Variants in PPARGC1B observed in about 807,000 individuals in gnomAD.
PPARGC1B encodes PPARG coactivator 1 beta.
In PPARGC1B, 34 loss-of-function variants were observed where a neutral mutation model predicts 101.6. The ratio of observed to expected loss-of-function variants is 0.33; its 90% confidence interval spans 0.25 to 0.45. The LOEUF is 0.45. PPARGC1B is among the 20% of genes least tolerant of loss of function. The probability of loss-of-function intolerance (pLI) is 1.00; values close to 1 mark genes in which losing one functional copy is unlikely to be tolerated. For synonymous variants in PPARGC1B, 548 were observed against 539.3 expected (o/e 1.02, Z -0.22); for missense variants, 1,234 against 1,317.6 (o/e 0.94, Z 0.98).
chr5:149,819,452 T>A (rs1204464042), intron 1 of PPARGC1B, among the ~76,000 whole-genome samples: 1 of 152,076 alleles, frequency 6.6e-6, no homozygotes, highest in Non-Finnish European at 1.5e-5. Flanking sequence ...AACAGCACTG[T>A]AGTATTTCAT....
Position 149,730,322 on chromosome 5 carries a change from C to A in PPARGC1B, c.-21C>A, listed in dbSNP as rs1754402373. The A allele has an allele frequency of 2.0e-6, 3 of 1,535,938 alleles. No individual in the cohort carries two copies. Among genetic ancestry groups the A allele is most frequent in the Admixed American group, 2.0e-5 (1 of 49,920 alleles). On this transcript the variant is annotated 5_prime_UTR_variant, in exon 1 of 12. Transcript: ENST00000309241. The surrounding 1 kb of genome is among the most constrained non-coding windows in gnomAD (Gnocchi z 4.0). Reference sequence around the variant, plus strand: ...CCGGCTCGGCGTTGACTCCGCCGCACGCTGCAGCCGCGGCTGGAAGATGGC... The same window carrying A: ...CCGGCTCGGCGTTGACTCCGCCGCAAGCTGCAGCCGCGGCTGGAAGATGGC...
chr5:149,770,680 A>G (rs1009874010), intron 1 of PPARGC1B, among the ~76,000 whole-genome samples: 1 of 152,106 alleles, frequency 6.6e-6, no homozygotes, highest in African/African-American at 2.4e-5. Flanking sequence ...CAAAAAAAAA[A>G]AAATCTGCTG....
intron 1 of PPARGC1B, among the ~76,000 whole-genome samples, chr5:149,774,145 T>C (rs909453687): frequency 6.6e-6 from 1 of 152,156 alleles, no homozygotes; most frequent in African/African-American, 2.4e-5. Flanking sequence ...CATGGTGACA[T>C]GGGCATCAGA....
At position 149,841,354 on chromosome 5, in the gene PPARGC1B, T is replaced by A. The variant is rs57626577; in HGVS notation, c.2695-902T>A. On this transcript the variant is annotated intron_variant, in intron 9 of 11. Transcript: ENST00000309241. ...TGCAAGGAGAGTGGGAGGAGGGGAT[T>A]TCTCTGTTGAGCTGAGCTTGGACAT... 6.6e-3 allele frequency among the ~76,000 whole-genome samples: 1,012 copies of A among 152,192 alleles called. 14 individuals are homozygous for A. Among genetic ancestry groups the A allele is most frequent in the African/African-American group, 0.023 (957 of 41,526 alleles).
rs1438849261 is a variant in PPARGC1B at position 149,836,962 on chromosome 5, C to T, written c.2507C>T (p.Pro836Leu). 1 of 1,614,068 alleles carries T rather than the reference C, an allele frequency of 6.2e-7. No individual in the cohort carries two copies. Among genetic ancestry groups the T allele is most frequent in the Non-Finnish European group, 8.5e-7 (1 of 1,180,028 alleles). Reference protein sequence around the residue: ...GVSPTCSDHCPYQSPPSKANR... With the variant: ...GVSPTCSDHCLYQSPPSKANR... ...AGCCCCACTTGCTCTGACCACTGCC[C>T]CTACCAGAGCCCACCAAGCAAGGCC... Residue 836 changes from proline to leucine, a missense_variant, in exon 8 of 12, where the codon CCC (proline) becomes CTC (leucine). Around this residue, in one of 3 missense-constraint regions of PPARGC1B, gnomAD observed 497 missense variants for 529.5 expected, o/e 0.94. Transcript: ENST00000309241.
intron 1 of PPARGC1B, among the ~76,000 whole-genome samples, chr5:149,794,524 GCACACACA>G (rs35484083): frequency 0.12 from 17,270 of 143,648 alleles, 1,288 homozygotes; most frequent in Admixed American, 0.24. Flanking sequence ...ATGTGAGCGT[GCACACACA>G]CACACACACA....
rs531020875 is a variant in PPARGC1B at position 149,827,345 on chromosome 5, C to T, written c.465+460C>T. 2.6e-5 allele frequency among the ~76,000 whole-genome samples: 4 copies of T among 152,278 alleles called. No homozygotes were observed. In the East Asian group the frequency reaches 7.7e-4, roughly 29 times the overall value. On this transcript the variant is annotated intron_variant, in intron 3 of 11. Coordinates refer to ENST00000309241, the MANE Select transcript of PPARGC1B (RefSeq NM_133263.4). ...CTCTTCTACCTTTTAAAAGATTTTA[C>T]TACAAAAGGGAGTCTACATTAGGGC...
intron 1 of PPARGC1B, among the ~76,000 whole-genome samples, chr5:149,739,203 G>A (rs986048739): frequency 1.3e-5 from 2 of 152,172 alleles, no homozygotes; most frequent in South Asian, 2.1e-4. Flanking sequence ...ATCACCCAGC[G>A]TCCACTGTTA....
intron 1 of PPARGC1B, among the ~76,000 whole-genome samples, chr5:149,809,666 C>A (rs933531720): frequency 8.0e-6 from 1 of 125,356 alleles, no homozygotes; most frequent in Non-Finnish European, 1.6e-5. Flanking sequence ...CCAGCTCGGG[C>A]GACAGAGTGA....
chr5:149,735,419 C>T (rs181417625), intron 1 of PPARGC1B, among the ~76,000 whole-genome samples: 1 of 152,310 alleles, frequency 6.6e-6, no homozygotes, highest in East Asian at 1.9e-4. Flanking sequence ...AAGACTGGCT[C>T]GAGTGAGAAG....
intron 1 of PPARGC1B, among the ~76,000 whole-genome samples, chr5:149,807,415 C>T (rs1182524417): frequency 6.6e-6 from 1 of 152,036 alleles, no homozygotes; most frequent in African/African-American, 2.4e-5. Context: ...CAGTGGTCGC[C>T]CCTTCAGCCG....
chr5:149,789,599 A>T (rs1213790638), intron 1 of PPARGC1B, among the ~76,000 whole-genome samples: 1 of 152,218 alleles, frequency 6.6e-6, no homozygotes, highest in African/African-American at 2.4e-5. Flanking sequence ...CCTCAAAACA[A>T]TTCTATGAAG....
At chr5:149,786,477 G>A (rs1199223197) in intron 1 of PPARGC1B, among the ~76,000 whole-genome samples, 1 of 151,966 alleles carries the variant, frequency 6.6e-6, no homozygotes, top group Admixed American at 6.6e-5. Flanking sequence ...GCTCAAGTGA[G>A]CCTCCTGTCT....
chr5:149,805,564 C>T (rs914249080), intron 1 of PPARGC1B, among the ~76,000 whole-genome samples: 22 of 152,194 alleles, frequency 1.4e-4, no homozygotes, highest in Admixed American at 3.3e-4. Flanking sequence ...CTCTGCCTCC[C>T]GAATAGCTGG....
intron 1 of PPARGC1B, among the ~76,000 whole-genome samples, chr5:149,768,332 T>A (rs980333704): frequency 6.6e-6 from 1 of 152,120 alleles, no homozygotes; most frequent in Non-Finnish European, 1.5e-5. Flanking sequence ...TGGAGTATAG[T>A]GGTGTGATCT....
intron 3 of PPARGC1B, 141 bp from the exon 4 acceptor site, chr5:149,830,626 T>C: frequency 1.5e-6 from 1 of 685,560 alleles, no homozygotes; most frequent in East Asian, 2.5e-5. Context: ...GGGATCATCA[T>C]CCCAGGTCAT....
In PPARGC1B at chr5:149,849,243, T is replaced by A. The variant is rs1200169844; in HGVS notation, c.*1685T>A. The A allele has an allele frequency of 2.6e-5, 4 of 152,208 alleles. No homozygotes were observed. Among genetic ancestry groups the A allele is most frequent in the African/African-American group, 9.7e-5 (4 of 41,448 alleles). 9.4% of individuals were successfully genotyped at this position (152,208 alleles called of 1,614,324 possible). A position where few individuals can be genotyped will look rare whatever the true frequency, so the allele number is the denominator to read the frequency against. On this transcript the variant is annotated 3_prime_UTR_variant, in exon 12 of 12. Coordinates refer to ENST00000309241, the MANE Select transcript of PPARGC1B (RefSeq NM_133263.4). ...TTATCAAATACCTCAGTAGGTAAAATGAGCCCATGATCTTCCACTGAGTGG... is the reference window on the plus strand; with the variant it reads ...TTATCAAATACCTCAGTAGGTAAAAAGAGCCCATGATCTTCCACTGAGTGG...
At chr5:149,800,937 C>A (rs1177937792) in intron 1 of PPARGC1B, among the ~76,000 whole-genome samples, 2 of 152,232 alleles carry the variant, frequency 1.3e-5, no homozygotes, top group Non-Finnish European at 2.9e-5. Context: ...GGCCATGACC[C>A]AAAGCTGCTT....
At chr5:149,795,153 C>T (rs1010362800) in intron 1 of PPARGC1B, among the ~76,000 whole-genome samples, 4 of 152,228 alleles carry the variant, frequency 2.6e-5, no homozygotes, top group African/African-American at 9.6e-5. Flanking sequence ...TCCCTTGCAG[C>T]AGCTCTGAAA....
Sources: allele counts gnomAD v4.1 joint callset (sites outside exome capture counted in the v4.1 genomes callset), GRCh38; gene constraint gnomAD v4.1.1; regional missense constraint gnomAD v4.1.1; non-coding constraint Gnocchi (gnomAD v3.1); transcripts MANE v1.5; gene names NCBI Gene and HGNC (gene_info 2026-07-23, HGNC 2026-07-21).